Variants in TOX2 observed in about 807,000 individuals in gnomAD.
TOX2 encodes the protein TOX high mobility group box family member 2.
Under a neutral mutation model 47.4 loss-of-function variants are expected in TOX2, and 15 were observed. The observed-to-expected ratio is 0.32, with a 90% confidence interval of 0.21 to 0.49. The LOEUF (loss-of-function observed/expected upper bound fraction) is 0.49, where lower values mean the gene tolerates loss of function less well. Among genes scored for constraint, TOX2 ranks in the 20% least tolerant of loss-of-function variants. The pLI is 0.99. For synonymous variants in TOX2, 290 were observed against 296.6 expected (o/e 0.98, Z 0.23); for missense variants, 622 against 673.1 (o/e 0.92, Z 0.84).
chr20:43,996,946 G>A (rs183003322), intron 2 of TOX2, among the ~76,000 whole-genome samples: 1 of 152,138 alleles, frequency 6.6e-6, no homozygotes, highest in African/African-American at 2.4e-5. Flanking sequence ...CTGGAAGGTT[G>A]TTGGAATACA....
chr20:43,974,793 G>T lies in TOX2; in HGVS notation c.165+1361G>T, dbSNP rs186205446. ...AGGAAGATACTGTAGTCTCAGTGGGGCATGGAAGCTCTGCTGCAGGGTGCT... is the reference window on the plus strand; with the variant it reads ...AGGAAGATACTGTAGTCTCAGTGGGTCATGGAAGCTCTGCTGCAGGGTGCT... On this transcript the variant is annotated intron_variant, in intron 2 of 8. Transcript: ENST00000341197. Among the ~76,000 whole-genome samples the T allele has an allele frequency of 5.0e-3, 759 of 152,360 alleles. 3 individuals are homozygous for T. Among genetic ancestry groups the T allele is most frequent in the African/African-American group, 0.017 (722 of 41,588 alleles).
rs117714672 is a variant in TOX2 at position 43,978,035 on chromosome 20, T to C, written c.165+4603T>C. 3.6e-3 allele frequency among the ~76,000 whole-genome samples: 551 copies of C among 151,946 alleles called. 1 individual carries two copies. Among genetic ancestry groups the C allele is most frequent in the Non-Finnish European group, 5.8e-3 (396 of 67,950 alleles). ...GCAGCTTCCTATCAAATGGGAGGAG[T>C]AGCAGCGTCTGCCTCCTAGAGTGTC... On this transcript the variant is annotated intron_variant, in intron 2 of 8. Coordinates refer to ENST00000341197, the MANE Select transcript of TOX2 (RefSeq NM_001098797.2).
chr20:43,971,918 G>C (rs2069976656), intron 1 of TOX2, among the ~76,000 whole-genome samples: 1 of 152,242 alleles, frequency 6.6e-6, no homozygotes, highest in Non-Finnish European at 1.5e-5. Context: ...AAAGCTGGTA[G>C]ACGTTGCCTC....
chr20:44,056,909 TTTG>T (rs1209583052), intron 5 of TOX2, among the ~76,000 whole-genome samples: 3 of 152,188 alleles, frequency 2.0e-5, no homozygotes, highest in African/African-American at 7.2e-5. Flanking sequence ...TTTTGTCTCC[TTTG>T]TTATTTGTTT....
chr20:43,993,892 C>T (rs750103218), intron 2 of TOX2, among the ~76,000 whole-genome samples: 24 of 152,166 alleles, frequency 1.6e-4, no homozygotes, highest in Non-Finnish European at 2.4e-4. Context: ...GTAGCTCACG[C>T]GTGTAATCCC....
intron 4 of TOX2, among the ~76,000 whole-genome samples, chr20:44,053,033 G>C (rs1011831120): frequency 6.6e-6 from 1 of 152,220 alleles, no homozygotes; most frequent in Non-Finnish European, 1.5e-5. Flanking sequence ...CCATGGCTTT[G>C]TCATCAGGTC....
chr20:43,933,219 C>G (rs2069278144), intron 1 of TOX2, among the ~76,000 whole-genome samples: 1 of 152,188 alleles, frequency 6.6e-6, no homozygotes, highest in Admixed American at 6.5e-5. Flanking sequence ...ATCAGGATTT[C>G]AACATGTGAA....
intron 3 of TOX2, among the ~76,000 whole-genome samples, chr20:44,036,173 G>A (rs888979044): frequency 1.3e-5 from 2 of 152,200 alleles, no homozygotes; most frequent in Non-Finnish European, 2.9e-5. Context: ...TGAGGGGGCC[G>A]TCGGGCCGTG....
rs2070517712 is a variant in TOX2, at chr20:43,998,513, T to C, written c.166-8034T>C. Among the ~76,000 whole-genome samples, 3 of 152,220 alleles carry C rather than the reference T, an allele frequency of 2.0e-5. No homozygotes were observed. In the South Asian group the frequency reaches 6.2e-4, roughly 32 times the overall value. ...ATTTCTATCTGACTGATTTGCCCATTTTATTTATGGTTTTATACTAACAGT... is the reference window on the plus strand; with the variant it reads ...ATTTCTATCTGACTGATTTGCCCATCTTATTTATGGTTTTATACTAACAGT... On this transcript the variant is annotated intron_variant, in intron 2 of 8. Transcript: ENST00000341197.
At chr20:44,053,822 TA>T (rs2071570866) in intron 4 of TOX2, among the ~76,000 whole-genome samples, 1 of 141,370 alleles carries the variant, frequency 7.1e-6, no homozygotes, top group African/African-American at 2.7e-5. Flanking sequence ...CACAACTCTG[TA>T]AAAGAAGATG....
intron 1 of TOX2, among the ~76,000 whole-genome samples, chr20:43,968,656 A>G (rs2069904916): frequency 6.6e-6 from 1 of 152,236 alleles, no homozygotes; most frequent in Non-Finnish European, 1.5e-5. Context: ...ACTCATTTCC[A>G]TGACAAAACT....
At chr20:43,976,262 T>A (rs1045238929) in intron 2 of TOX2, among the ~76,000 whole-genome samples, 1 of 152,232 alleles carries the variant, frequency 6.6e-6, no homozygotes, top group Non-Finnish European at 1.5e-5. Context: ...CTGGCCTTGC[T>A]TAGGATCACT....
chr20:43,945,563 C>CGAA (rs1569020178), intron 1 of TOX2: 1 of 258,748 alleles, frequency 3.9e-6, no homozygotes, highest in African/African-American at 2.2e-5. Context: ...ATTTGCCTTC[C>CGAA]GAAGGCTCTT....
intron 3 of TOX2, among the ~76,000 whole-genome samples, chr20:44,030,115 T>C (rs1415784486): frequency 6.6e-6 from 1 of 152,104 alleles, no homozygotes; most frequent in Admixed American, 6.5e-5. Context: ...GGCCCCCACC[T>C]GGAAACCCCC....
intron 2 of TOX2, among the ~76,000 whole-genome samples, chr20:43,991,264 C>T (rs1407946941): frequency 6.9e-6 from 1 of 145,482 alleles, no homozygotes; most frequent in Non-Finnish European, 1.5e-5. Flanking sequence ...TGCTGAACAG[C>T]GTCACTGAGC....
At chr20:44,021,486 T>A (rs2070974930) in intron 3 of TOX2, among the ~76,000 whole-genome samples, 1 of 152,158 alleles carries the variant, frequency 6.6e-6, no homozygotes, top group African/African-American at 2.4e-5. Flanking sequence ...GAGGCCCCTG[T>A]CCCTGTGCAC....
At chr20:44,001,176 T>C (rs1162334313) in intron 2 of TOX2, among the ~76,000 whole-genome samples, 2 of 152,228 alleles carry the variant, frequency 1.3e-5, no homozygotes, top group Non-Finnish European at 2.9e-5. Context: ...TTAGGCACCA[T>C]GGAACGGCCA....
chr20:44,018,297 G>A (rs989206727), intron 3 of TOX2, among the ~76,000 whole-genome samples: 2 of 152,176 alleles, frequency 1.3e-5, no homozygotes, highest in African/African-American at 4.8e-5. Context: ...AGCACTCGAG[G>A]CTGAGTGCAA....
Position 44,068,870 on chromosome 20 carries a change from C to T in TOX2, c.*184C>T, listed in dbSNP as rs1006521351. ...CACCAGACTCTGCAGAGGCAGCCCA[C>T]TGCCCACCACCAGCCCAAAGAACCT... On this transcript the variant is annotated 3_prime_UTR_variant, in exon 9 of 9. Coordinates refer to ENST00000341197, the MANE Select transcript of TOX2 (RefSeq NM_001098797.2). 35 of 815,570 alleles carry T rather than the reference C, an allele frequency of 4.3e-5. No homozygotes were observed. Among genetic ancestry groups the T allele is most frequent in the Non-Finnish European group, 6.9e-5 (33 of 478,118 alleles). 50.5% of individuals were successfully genotyped at this position (815,570 alleles called of 1,614,324 possible). A position where few individuals can be genotyped will look rare whatever the true frequency, so the allele number is the denominator to read the frequency against.
Sources: gnomAD v4.1 joint callset for allele counts (sites outside exome capture counted in the v4.1 genomes callset) on GRCh38, gnomAD v4.1.1 for gene constraint, MANE v1.5 for transcripts, NCBI Gene and HGNC (gene_info 2026-07-23, HGNC 2026-07-21) for gene names.